TERF2: variants seen among roughly 807,000 people sequenced by gnomAD.
TERF2 encodes telomeric repeat binding factor 2, also known as telomeric repeat-binding factor 2.
Under a neutral mutation model 56.1 loss-of-function variants are expected in TERF2, and 16 were observed. The ratio of observed to expected loss-of-function variants is 0.29; its 90% CI spans 0.19 to 0.43. The LOEUF (loss-of-function observed/expected upper bound fraction) is 0.43, where lower values mean the gene tolerates loss of function less well. Among genes scored for constraint, TERF2 ranks in the 20% least tolerant of loss-of-function variants. The pLI is 1.00. For missense variants in TERF2, 547 were observed against 712.9 expected (o/e 0.77, Z 2.65); for synonymous variants, 296 against 282.1 (o/e 1.05, Z -0.50).
intron 2 of TERF2, 94 bp from the exon 3 acceptor site, chr16:69,384,804 C>T: frequency 8.6e-7 from 1 of 1,163,376 alleles, no homozygotes; most frequent in East Asian, 2.9e-5. Flanking sequence ...GGAAATGGAG[C>T]ATGCAAATAT....
At chr16:69,373,112 T>C (rs897298936) in intron 3 of TERF2, among the ~76,000 whole-genome samples, 4 of 152,112 alleles carry the variant, frequency 2.6e-5, no homozygotes, top group African/African-American at 9.7e-5. Flanking sequence ...TTCTGCTAGT[T>C]CCATTCTGGA....
intron 3 of TERF2, among the ~76,000 whole-genome samples, chr16:69,379,920 G>T (rs1223622826): frequency 1.3e-5 from 2 of 150,836 alleles, no homozygotes; most frequent in East Asian, 1.9e-4. Flanking sequence ...GTAGAGTGGG[G>T]TTTTTTTTTG....
At chr16:69,373,553 G>A (rs2013654744) in intron 3 of TERF2, among the ~76,000 whole-genome samples, 1 of 152,186 alleles carries the variant, frequency 6.6e-6, no homozygotes, top group Admixed American at 6.5e-5. Context: ...GACTGGGTGT[G>A]GCAGCTTACA....
chr16:69,377,548 G>A (rs1043494658), intron 3 of TERF2, among the ~76,000 whole-genome samples: 2 of 152,050 alleles, frequency 1.3e-5, no homozygotes, highest in Non-Finnish European at 2.9e-5. Context: ...GGATGGTCTC[G>A]ATCTCTTGAC....
chr16:69,367,844 T>C (rs972881996), intron 6 of TERF2, among the ~76,000 whole-genome samples: 9 of 152,124 alleles, frequency 5.9e-5, no homozygotes, highest in African/African-American at 2.2e-4. Flanking sequence ...GGACATCTCA[T>C]ACAAAAATCT....
intron 8 of TERF2, 176 bp downstream of exon 8, chr16:69,361,228 T>A (rs2013125069): frequency 1.7e-6 from 1 of 604,392 alleles, no homozygotes; most frequent in Admixed American, 2.9e-5. Context: ...CAAGACCCTG[T>A]CTGAAAAAGG....
chr16:69,381,186 G>T (rs1162418892), intron 3 of TERF2, among the ~76,000 whole-genome samples: 2 of 152,144 alleles, frequency 1.3e-5, no homozygotes, highest in South Asian at 2.1e-4. Flanking sequence ...TCAAGCACAT[G>T]AATACAAGTT....
intron 6 of TERF2, among the ~76,000 whole-genome samples, chr16:69,367,869 T>G (rs765116308): frequency 3.9e-5 from 6 of 152,206 alleles, no homozygotes; most frequent in Non-Finnish European, 7.3e-5. Flanking sequence ...ACCTGAAGCC[T>G]GAGCATCCTT....
intron 1 of TERF2, 31 bp downstream of exon 1, chr16:69,385,559 CGCT>C: frequency 7.0e-7 from 1 of 1,432,326 alleles, no homozygotes; most frequent in South Asian, 1.1e-5. Context: ...CCTTCCCCGG[CGCT>C]CCAACCCCCC....
chr16:69,368,303 G>A (rs139174542), intron 6 of TERF2, 73 bp downstream of exon 6: 485 of 1,412,638 alleles, frequency 3.4e-4, no homozygotes, highest in Middle Eastern at 7.4e-4. Context: ...AACTGATCCT[G>A]GCCTAAGGAG....
Position 69,384,540 on chromosome 16 carries a change from T to A in TERF2, c.606+40A>T, listed in dbSNP as rs779581926. On this transcript the variant is annotated intron_variant, in intron 3 of 9. Coordinates refer to ENST00000254942, the MANE Select transcript of TERF2 (RefSeq NM_005652.5). ...GTGCTGTATCCTCAAAGACCCTTGATTTTTGGTCAAAGAAAAAAGATATAA... is the reference window on the plus strand; with the variant it reads ...GTGCTGTATCCTCAAAGACCCTTGAATTTTGGTCAAAGAAAAAAGATATAA... The A allele has an allele frequency of 3.7e-6, 6 of 1,600,858 alleles. No homozygotes were observed. In the Admixed American group the frequency reaches 1.0e-4, roughly 28 times the overall value.
rs560185089 is a variant in TERF2 at position 69,363,749 on chromosome 16, G to A, written c.1341-2260C>T. Reference sequence around the variant, plus strand: ...TTTGAGAGGCCCAGGCAGGTGGATCGCTTATTAAGTCCAGGAGTTCGAGAC... The same window carrying A: ...TTTGAGAGGCCCAGGCAGGTGGATCACTTATTAAGTCCAGGAGTTCGAGAC... On this transcript the variant is annotated intron_variant, in intron 7 of 9. Coordinates refer to ENST00000254942, the MANE Select transcript of TERF2 (RefSeq NM_005652.5). 5.9e-5 allele frequency among the ~76,000 whole-genome samples: 9 copies of A among 152,286 alleles called. No individual in the cohort carries two copies. The East Asian group carries it at 1.7e-3, about 29-fold the overall frequency.
At chr16:69,379,001 C>T (rs574806341) in intron 3 of TERF2, among the ~76,000 whole-genome samples, 2 of 151,866 alleles carry the variant, frequency 1.3e-5, no homozygotes, top group East Asian at 1.9e-4. Context: ...CTTGGCAGTT[C>T]CCAGAAGTAA....
chr16:69,382,118 C>T (rs1044901012), intron 3 of TERF2, among the ~76,000 whole-genome samples: 3 of 152,202 alleles, frequency 2.0e-5, no homozygotes, highest in African/African-American at 7.2e-5. Context: ...TTTGGTTCTG[C>T]TTATGAAAAC....
At chr16:69,372,826 G>C (rs2013627880) in intron 3 of TERF2, among the ~76,000 whole-genome samples, 1 of 152,048 alleles carries the variant, frequency 6.6e-6, no homozygotes, top group Admixed American at 6.6e-5. Context: ...GTCTCTTTCT[G>C]CTTGTAAGGT....
chr16:69,375,048 T>C (rs756821872), intron 3 of TERF2, among the ~76,000 whole-genome samples: 2 of 152,210 alleles, frequency 1.3e-5, no homozygotes, highest in South Asian at 2.1e-4. Context: ...TTTCACTCTG[T>C]ATAAGGCCTT....
At position 69,356,178 on chromosome 16, in the gene TERF2, G is replaced by A. The variant is rs1360205352; in HGVS notation, c.*720C>T. The A allele has an allele frequency of 1.3e-5, 6 of 455,134 alleles. No homozygotes were observed. Among genetic ancestry groups the A allele is most frequent in the Admixed American group, 2.4e-5 (1 of 42,352 alleles). The allele number at this position is 455,134 out of a possible 1,614,324, so 28.2% of individuals were successfully genotyped here. A position where few individuals can be genotyped will look rare whatever the true frequency, so the allele number is the denominator to read the frequency against. ...TTGCATCAGAAGGCCAGAACTTGAC[G>A]TGGAACAAATTTACTCCAAATAATA... On this transcript the variant is annotated 3_prime_UTR_variant, in exon 10 of 10. Transcript: ENST00000254942.
intron 3 of TERF2, among the ~76,000 whole-genome samples, chr16:69,380,278 T>C (rs923187235): frequency 6.6e-6 from 1 of 152,192 alleles, no homozygotes; most frequent in African/African-American, 2.4e-5. Flanking sequence ...GAGGAGTATT[T>C]TAATAGCTTT....
At position 69,385,498 on chromosome 16, in the gene TERF2, G is replaced by A. The variant is rs774454391; in HGVS notation, c.380-12C>T. On this transcript the variant is annotated splice_polypyrimidine_tract_variant and intron_variant, in intron 1 of 9. Coordinates refer to ENST00000254942, the MANE Select transcript of TERF2 (RefSeq NM_005652.5). ...CCTGACAAGCAAAGCTGGGAGAGAA[G>A]ACATCGTTGGCTGGGCGACCCCCAG... The A allele has an allele frequency of 2.5e-6, 4 of 1,613,848 alleles. No homozygotes were observed. In the South Asian group the frequency reaches 3.3e-5, roughly 13 times the overall value.
Sources: allele counts gnomAD v4.1 joint callset (sites outside exome capture counted in the v4.1 genomes callset), GRCh38; gene constraint gnomAD v4.1.1; transcripts MANE v1.5; gene names NCBI Gene and HGNC (gene_info 2026-07-23, HGNC 2026-07-21).